The following QKI variants were observed in gnomAD, a reference collection of about 807,000 sequenced individuals.
QKI encodes QKI, KH domain containing RNA binding, also known as KH domain-containing RNA-binding protein QKI.
In QKI, 10 loss-of-function variants were observed where a neutral mutation model predicts 39.0. That is an observed-to-expected ratio of 0.26 (90% CI 0.16 to 0.43). The LOEUF is 0.43. QKI is among the 20% of genes least tolerant of loss of function. The pLI is 1.00. For missense variants in QKI, 218 were observed against 428.0 expected (o/e 0.51, Z 4.33); for synonymous variants, 204 against 155.4 (o/e 1.31, Z -2.33).
rs1298199177 is a variant in QKI at position 163,576,485 on chromosome 6, T to G, written c.*5775T>G. On this transcript the variant is annotated 3_prime_UTR_variant, in exon 8 of 8. Coordinates refer to ENST00000361752, the MANE Select transcript of QKI (RefSeq NM_006775.3). ...TAAAAGTTAATTTATAACTTAAAAG[T>G]GCTATTAAGTTTTTATTACCAAATA... 1 of 152,138 alleles carries G rather than the reference T, an allele frequency of 6.6e-6. No individual in the cohort carries two copies. The highest frequency in any genetic ancestry group is 1.5e-5 in the Non-Finnish European group (1 of 68,036). 9.4% of individuals were successfully genotyped at this position (152,138 alleles called of 1,614,324 possible).
intron 3 of QKI, among the ~76,000 whole-genome samples, chr6:163,501,758 T>C (rs532585304): frequency 1.3e-5 from 2 of 152,206 alleles, no homozygotes; most frequent in African/African-American, 2.4e-5. Flanking sequence ...TTACGTACTT[T>C]ATGTGATACA....
chr6:163,484,214 T>C (rs1363243829), intron 3 of QKI, among the ~76,000 whole-genome samples: 5 of 151,654 alleles, frequency 3.3e-5, no homozygotes, highest in African/African-American at 9.7e-5. Flanking sequence ...TTTTTTTTTT[T>C]CTTTTTAAGA....
chr6:163,529,613 T>C (rs1040615545), intron 3 of QKI, among the ~76,000 whole-genome samples: 2 of 152,166 alleles, frequency 1.3e-5, no homozygotes, highest in African/African-American at 4.8e-5. Context: ...CATAAACTTA[T>C]GGGTGTCAAA....
At chr6:163,496,365 C>A (rs1218650820) in intron 3 of QKI, among the ~76,000 whole-genome samples, 1 of 145,830 alleles carries the variant, frequency 6.9e-6, no homozygotes, top group East Asian at 2.1e-4. Context: ...AGTTATTGTT[C>A]TAATTTTATA....
intron 4 of QKI, among the ~76,000 whole-genome samples, chr6:163,547,651 A>G (rs2128245276): frequency 6.6e-6 from 1 of 152,216 alleles, no homozygotes; most frequent in African/African-American, 2.4e-5. Context: ...TCTCTGTAGA[A>G]TGATACTTGT....
chr6:163,487,180 G>GT (rs5881536), intron 3 of QKI, among the ~76,000 whole-genome samples: 36 of 148,860 alleles, frequency 2.4e-4, no homozygotes, highest in South Asian at 4.3e-4. Context: ...CATGGATATA[G>GT]TTTTTTTTTT....
intron 1 of QKI, among the ~76,000 whole-genome samples, 154 bp downstream of exon 1, chr6:163,415,489 G>T (rs867048905): frequency 1.3e-5 from 2 of 150,888 alleles, no homozygotes; most frequent in African/African-American, 4.8e-5. Flanking sequence ...AGGAGGTGCC[G>T]GGCCGGGCTT....
At chr6:163,519,716 T>G (rs1042367386) in intron 3 of QKI, among the ~76,000 whole-genome samples, 27 of 152,256 alleles carry the variant, frequency 1.8e-4, no homozygotes, top group African/African-American at 6.5e-4. Context: ...TTATAATGAT[T>G]ACTATTAACA....
intron 4 of QKI, among the ~76,000 whole-genome samples, 160 bp from the exon 5 acceptor site, chr6:163,561,822 C>G (rs1008034602): frequency 6.6e-6 from 1 of 152,140 alleles, no homozygotes; most frequent in Non-Finnish European, 1.5e-5. Flanking sequence ...AAAGCAGGCT[C>G]CATTATGTTA....
intron 3 of QKI, among the ~76,000 whole-genome samples, chr6:163,494,829 T>G (rs542224720): frequency 1.3e-5 from 2 of 152,102 alleles, no homozygotes; most frequent in African/African-American, 4.8e-5. Flanking sequence ...AAAATACTTA[T>G]GTTAGAGAAG....
intron 1 of QKI, among the ~76,000 whole-genome samples, chr6:163,453,626 G>C (rs1790732157): frequency 6.6e-6 from 1 of 152,106 alleles, no homozygotes; most frequent in Admixed American, 6.5e-5. Flanking sequence ...GTTGATACTG[G>C]ACATTATTAG....
chr6:163,528,499 T>C (rs1310240206), intron 3 of QKI, among the ~76,000 whole-genome samples: 2 of 152,170 alleles, frequency 1.3e-5, no homozygotes, highest in African/African-American at 4.8e-5. Flanking sequence ...TCATGTTAAA[T>C]GTTGGTAAGA....
intron 7 of QKI, chr6:163,567,754 T>C (rs1004773402): frequency 1.6e-5 from 16 of 984,884 alleles, no homozygotes; most frequent in African/African-American, 3.5e-5. Context: ...GTTTCTATTA[T>C]GGCACATTTG....
At chr6:163,445,381 T>TTTCCTACTCTGTTGG (rs1214961449) in intron 1 of QKI, among the ~76,000 whole-genome samples, 11 of 152,160 alleles carry the variant, frequency 7.2e-5, no homozygotes, top group Non-Finnish European at 1.2e-4. Context: ...TGGTCCAGGA[T>TTTCCTACTCTGTTGG]TCCACATTGT....
At chr6:163,455,834 C>T (rs533229325) in intron 2 of QKI, among the ~76,000 whole-genome samples, 1 of 152,232 alleles carries the variant, frequency 6.6e-6, no homozygotes, top group South Asian at 2.1e-4. Context: ...TTATTGAAAC[C>T]ACTGATTGTA....
chr6:163,546,099 T>G (rs1781855115), intron 4 of QKI, among the ~76,000 whole-genome samples: 1 of 149,674 alleles, frequency 6.7e-6, no homozygotes, highest in African/African-American at 2.4e-5. Flanking sequence ...ATAATGCATT[T>G]TAGTGTTTGG....
chr6:163,558,869 C>T (rs1782815097), intron 4 of QKI, among the ~76,000 whole-genome samples: 1 of 152,194 alleles, frequency 6.6e-6, no homozygotes, highest in African/African-American at 2.4e-5. Flanking sequence ...TTAGTGTACC[C>T]TGCCAAAATG....
In QKI at chr6:163,563,457, T is replaced by A; in HGVS notation, c.672T>A (p.Ala224=). 6.2e-7 allele frequency: 1 copy of A among 1,613,620 alleles called. No individual in the cohort carries two copies. The highest frequency in any genetic ancestry group is 2.2e-5 in the East Asian group (1 of 44,864). ...LAFSLAATAQ[A]APRIITGPAP... ...TTTCTCTTGCAGCAACAGCCCAGGCTGCTCCAAGGATCATTACTGGGCCTG... is the reference window on the plus strand; with the variant it reads ...TTTCTCTTGCAGCAACAGCCCAGGCAGCTCCAAGGATCATTACTGGGCCTG... The change falls in exon 6 of 8, where the codon GCT becomes GCA. Residue 224 remains alanine (A), a synonymous_variant. Coordinates refer to ENST00000361752, the MANE Select transcript of QKI (RefSeq NM_006775.3).
chr6:163,565,893 G>A, intron 6 of QKI: 2 of 1,610,764 alleles, frequency 1.2e-6, no homozygotes, highest in Non-Finnish European at 1.7e-6. Context: ...ATTGGTATTA[G>A]CATCAAGTCT....
Sources: gnomAD v4.1 joint callset for allele counts (sites outside exome capture counted in the v4.1 genomes callset) on GRCh38, gnomAD v4.1.1 for gene constraint, MANE v1.5 for transcripts, NCBI Gene and HGNC (gene_info 2026-07-23, HGNC 2026-07-21) for gene names.